The following MAP1A variants were observed in gnomAD, a reference collection of about 807,000 sequenced individuals.
MAP1A encodes microtubule associated protein 1A.
MAP1A carries 42 observed loss-of-function variants against 185.9 expected under a neutral mutation model. The ratio of observed to expected loss-of-function variants is 0.23; its 90% CI spans 0.18 to 0.29. MAP1A has a LOEUF of 0.29. MAP1A is among the 10% of genes least tolerant of loss of function. The probability of loss-of-function intolerance (pLI) is 1.00; values close to 1 mark genes in which losing one functional copy is unlikely to be tolerated. For missense variants in MAP1A, 2,995 were observed against 3,450.4 expected, an observed-to-expected ratio of 0.87 and a Z score of 3.31; for synonymous variants, 1,229 against 1,335.9, an observed-to-expected ratio of 0.92 and a Z score of 1.74.
At position 43,521,185 on chromosome 15, in the gene MAP1A, C is replaced by T. The variant is rs993190482; in HGVS notation, c.-151+73C>T. ...GTGGGAGGGATCTAAGGGAAAGTCT[C>T]ATATTGCATGACCATGGGGGGCCCT... On this transcript the variant is annotated intron_variant, in intron 3 of 5. Transcript: ENST00000300231. This position sits in a 1 kb window ranked among gnomAD's most constrained non-coding sequence, Gnocchi z 4.6. 227 of 1,492,642 alleles carry T rather than the reference C, an allele frequency of 1.5e-4. No individual in the cohort carries two copies. Among genetic ancestry groups the T allele is most frequent in the Non-Finnish European group, 2.0e-4 (220 of 1,123,776 alleles). 92.5% of individuals were successfully genotyped at this position (1,492,642 alleles called of 1,614,324 possible).
At position 43,528,517 on chromosome 15, in the gene MAP1A, C is replaced by A. The variant is rs761491788; in HGVS notation, c.7044C>A (p.Ser2348Arg). 1.9e-6 allele frequency: 3 copies of A among 1,613,582 alleles called. 1 individual carries two copies. In the South Asian group the frequency reaches 3.3e-5, roughly 18 times the overall value. The change falls in exon 4 of 6, where the codon AGC becomes AGA. Residue 2348 changes from serine to arginine, a missense_variant. By Grantham distance (110) the Ser-to-Arg change is moderately radical. Coordinates refer to ENST00000300231, the MANE Select transcript of MAP1A (RefSeq NM_002373.6). ...ECSEAATEKP[S>R]PFQVPSEDCA... is the part of the protein sequence containing the mutation. Reference sequence around the variant, plus strand: ...CAGAGGCAGCCACGGAGAAGCCAAGCCCCTTCCAGGTTCCCTCTGAGGATT... The same window carrying A: ...CAGAGGCAGCCACGGAGAAGCCAAGACCCTTCCAGGTTCCCTCTGAGGATT...
chr15:43,518,493 C>G (rs2079306628), intron 1 of MAP1A, among the ~76,000 whole-genome samples: 1 of 152,282 alleles, frequency 6.6e-6, no homozygotes, highest in African/African-American at 2.4e-5. Flanking sequence ...TCTTCTCTCT[C>G]TCTGCATCCC....
chr15:43,526,364 G>A lies in MAP1A; in HGVS notation c.4891G>A (p.Gly1631Ser). 1 of 1,614,230 alleles carries A rather than the reference G, an allele frequency of 6.2e-7. No homozygotes were observed. The highest frequency in any genetic ancestry group is 2.2e-5 in the East Asian group (1 of 44,888). ...LGLEESLVQE[G>S]RAREQEEKYW... ...CCTGGAAGAGAGCCTAGTGCAGGAG[G>A]GCAGGGCCAGAGAGCAGGAAGAAAA... Residue 1631 changes from glycine (G) to serine (S), a missense_variant, in exon 4 of 6, where the codon GGC becomes AGC. Around this residue, in one of 3 missense-constraint regions of MAP1A, gnomAD observed 2,728 missense variants for 2,986.0 expected, o/e 0.91. Coordinates refer to ENST00000300231, the MANE Select transcript of MAP1A (RefSeq NM_002373.6). The surrounding 1 kb of genome is among the most constrained non-coding windows in gnomAD (Gnocchi z 4.7).
chr15:43,531,030 C>T lies in MAP1A; in HGVS notation c.*806C>T, dbSNP rs2079369568. On this transcript the variant is annotated 3_prime_UTR_variant, in exon 6 of 6. Coordinates refer to ENST00000300231, the MANE Select transcript of MAP1A (RefSeq NM_002373.6). ...CATTTCAATTATCCTGATCCCTTCT[C>T]ATCCCCTGCTTGGCTTCTCTGCATG... 6.5e-6 allele frequency: 1 copy of T among 152,720 alleles called. No individual in the cohort carries two copies. Among genetic ancestry groups the T allele is most frequent in the African/African-American group, 2.4e-5 (1 of 41,454 alleles). 9.5% of individuals were successfully genotyped at this position (152,720 alleles called of 1,614,324 possible). A position where few individuals can be genotyped will look rare whatever the true frequency, so the allele number is the denominator to read the frequency against.
chr15:43,528,677 C>G lies in MAP1A; in HGVS notation c.7204C>G (p.Arg2402Gly). The change falls in exon 4 of 6, where the codon CGG becomes GGG. Residue 2402 changes from arginine (R) to glycine (G), a missense_variant. Arg to Gly is a moderately radical substitution (Grantham distance 125). Transcript: ENST00000300231. ...GCCTGAAGGAGCTGAGAGGAGCTCCCGGCCTGACACATTGCTCTCCCCTGA... is the reference window on the plus strand; with the variant it reads ...GCCTGAAGGAGCTGAGAGGAGCTCCGGGCCTGACACATTGCTCTCCCCTGA... The part of the protein sequence containing the change: ...AWPEGAERSS[R>G]PDTLLSPEQP... 2 of 1,613,544 alleles carry G rather than the reference C, an allele frequency of 1.2e-6. No homozygotes were observed. The highest frequency in any genetic ancestry group is 1.7e-6 in the Non-Finnish European group (2 of 1,179,920).
chr15:43,531,558 C>T lies in MAP1A; in HGVS notation c.*1334C>T, dbSNP rs1416906650. On this transcript the variant is annotated 3_prime_UTR_variant, in exon 6 of 6. Transcript: ENST00000300231. The stretch of plus-strand genomic sequence containing the variant: ...CCCCACGCTTCCCTGCTATAGTTCC[C>T]AGCTGCTGTAACGGAGCCACCTCCA... 6.5e-6 allele frequency: 1 copy of T among 152,874 alleles called. No individual in the cohort carries two copies. The highest frequency in any genetic ancestry group is 1.5e-5 in the Non-Finnish European group (1 of 68,168). The allele number at this position is 152,874 out of a possible 1,614,324, so 9.5% of individuals were successfully genotyped here. A position where few individuals can be genotyped will look rare whatever the true frequency, so the allele number is the denominator to read the frequency against.
chr15:43,519,947 A>G (rs1403239518), intron 1 of MAP1A, among the ~76,000 whole-genome samples: 2 of 152,218 alleles, frequency 1.3e-5, no homozygotes, highest in Non-Finnish European at 2.9e-5. Flanking sequence ...GGGTGTTGTG[A>G]AAACTTCCGA....
Position 43,527,829 on chromosome 15 carries a change from A to T in MAP1A, c.6356A>T (p.Glu2119Val), listed in dbSNP as rs371725391. The change falls in exon 4 of 6, where the codon GAA (glutamate) becomes GTA (valine). Residue 2119 changes from glutamate to valine, a missense_variant. Around this residue, in one of 3 missense-constraint regions of MAP1A, gnomAD observed 2,728 missense variants for 2,986.0 expected, o/e 0.91. Transcript: ENST00000300231. ...ELEKGAREQP[E>V]KEAQSPSPPH... ...GAGAAGGGGGCTCGGGAACAGCCAG[A>T]AAAAGAGGCCCAATCCCCAAGTCCT... 1.9e-6 allele frequency: 3 copies of T among 1,613,926 alleles called. No individual in the cohort carries two copies. The highest frequency in any genetic ancestry group is 1.7e-6 in the Non-Finnish European group (2 of 1,179,902).
At chr15:43,512,599 A>C (rs2079286251) in intron 2 of MAP1A, among the ~76,000 whole-genome samples, 1 of 152,130 alleles carries the variant, frequency 6.6e-6, no homozygotes, top group Non-Finnish European at 1.5e-5. Flanking sequence ...CTCACGCAAA[A>C]ATTCACTCTC....
chr15:43,513,372 T>A (rs1239376023), upstream of MAP1A, among the ~76,000 whole-genome samples: 1 of 151,742 alleles, frequency 6.6e-6, no homozygotes, highest in Non-Finnish European at 1.5e-5. Flanking sequence ...CTAGTCATGT[T>A]ACTGGAAAAT....
rs571878577 is a variant in MAP1A, at chr15:43,527,246, C to G, written c.5773C>G (p.Pro1925Ala). The G allele has an allele frequency of 5.6e-6, 9 of 1,614,102 alleles. No individual in the cohort carries two copies. In the East Asian group the frequency reaches 1.8e-4, roughly 32 times the overall value. Reference sequence around the variant, plus strand: ...GGAAGAAGAAGGTAGGGCTGAGGCTCCTGACAAAAGCTCACACAGCTCAAA... The same window carrying G: ...GGAAGAAGAAGGTAGGGCTGAGGCTGCTGACAAAAGCTCACACAGCTCAAA... ...EREEEGRAEA[P>A]DKSSHSSKVP... Residue 1925 changes from proline (P) to alanine (A), a missense_variant, in exon 4 of 6, where the codon CCT becomes GCT. Coordinates refer to ENST00000300231, the MANE Select transcript of MAP1A (RefSeq NM_002373.6).
intron 1 of MAP1A, among the ~76,000 whole-genome samples, chr15:43,519,880 G>GT (rs2079312760): frequency 6.6e-6 from 1 of 152,220 alleles, no homozygotes; most frequent in South Asian, 2.1e-4. Context: ...TGAATAGGTT[G>GT]TGGGGTAGTG....
rs200047057 is a variant in MAP1A at position 43,523,508 on chromosome 15, G to T, written c.2035G>T (p.Gly679Cys). ...GGAAGAGGACGCGACAAAAGCTGAG[G>T]GTTTTTACCAAAAACATATGCAGGA... Reference protein sequence around the residue: ...EEEEDATKAEGFYQKHMQEPL... With the variant: ...EEEEDATKAECFYQKHMQEPL... Residue 679 changes from glycine (G) to cysteine (C), a missense_variant, in exon 4 of 6, where the codon GGT becomes TGT. Coordinates refer to ENST00000300231, the MANE Select transcript of MAP1A (RefSeq NM_002373.6). The T allele has an allele frequency of 5.6e-6, 9 of 1,613,954 alleles. No homozygotes were observed. Among genetic ancestry groups the T allele is most frequent in the Non-Finnish European group, 7.6e-6 (9 of 1,180,008 alleles).
Position 43,522,181 on chromosome 15 carries a change from G to A in MAP1A, c.708G>A (p.Glu236=), listed in dbSNP as rs568161996. Residue 236 remains glutamate, a synonymous_variant, in exon 4 of 6, where the codon GAG becomes GAA. Coordinates refer to ENST00000300231, the MANE Select transcript of MAP1A (RefSeq NM_002373.6). This position sits in a 1 kb window ranked among gnomAD's most constrained non-coding sequence, Gnocchi z 5.9. The part of the protein sequence containing the change: ...KTGIVLPNGK[E]AEISVPYLTS... ...GCATCGTGCTGCCCAATGGGAAGGAGGCTGAGATCTCCGTGCCCTACCTTA... is the reference window on the plus strand; with the variant it reads ...GCATCGTGCTGCCCAATGGGAAGGAAGCTGAGATCTCCGTGCCCTACCTTA... 6.2e-7 allele frequency: 1 copy of A among 1,614,270 alleles called. No homozygotes were observed. Among genetic ancestry groups the A allele is most frequent in the East Asian group, 2.2e-5 (1 of 44,890 alleles).
In MAP1A at chr15:43,521,560, A is replaced by AC; in HGVS notation, c.87_88insC (p.Gly30ArgfsTer38). The AC allele has an allele frequency of 6.2e-7, 1 of 1,614,042 alleles. No individual in the cohort carries two copies. The highest frequency in any genetic ancestry group is 8.5e-7 in the Non-Finnish European group (1 of 1,179,938). The stretch of plus-strand genomic sequence containing the variant: ...TTGACCTACTAGAGCCCCCCACCTC[A>AC]GGGGGCTTCCTCAAGCTCTCCAAGC... On this transcript the variant is annotated frameshift_variant, in exon 4 of 6. Transcript: ENST00000300231. LOFTEE classifies it high-confidence loss of function. This position sits in a 1 kb window ranked among gnomAD's most constrained non-coding sequence, Gnocchi z 4.6.
rs1183555623 is a variant in MAP1A at position 43,521,947 on chromosome 15, G to A, written c.474G>A (p.Glu158=). 1.9e-6 allele frequency: 3 copies of A among 1,614,054 alleles called. No individual in the cohort carries two copies. In the South Asian group the frequency reaches 3.3e-5, roughly 18 times the overall value. ...ASRKAKRSIE[E]ACLTLQHLNR... ...GGAAAGCCAAGCGTAGCATTGAGGA[G>A]GCCTGCCTCACTCTGCAGCACTTAA... The change falls in exon 4 of 6, where the codon GAG becomes GAA. Residue 158 remains glutamate, a synonymous_variant. Coordinates refer to ENST00000300231, the MANE Select transcript of MAP1A (RefSeq NM_002373.6). This position sits in a 1 kb window ranked among gnomAD's most constrained non-coding sequence, Gnocchi z 4.6.
chr15:43,529,875 G>A lies in MAP1A; in HGVS notation c.8256+5G>A, dbSNP rs1408223945. The A allele has an allele frequency of 6.2e-7, 1 of 1,612,260 alleles. No individual in the cohort carries two copies. The highest frequency in any genetic ancestry group is 8.5e-7 in the Non-Finnish European group (1 of 1,179,752). ...CAGTGGGGGGAGAATCTTCAGGTGAGTAGCAAAGGACACCAAGGAAGTAGT... is the reference window on the plus strand; with the variant it reads ...CAGTGGGGGGAGAATCTTCAGGTGAATAGCAAAGGACACCAAGGAAGTAGT... On this transcript the variant is annotated splice_donor_5th_base_variant and intron_variant, in intron 5 of 5. Transcript: ENST00000300231. The surrounding 1 kb of genome is among the most constrained non-coding windows in gnomAD (Gnocchi z 4.3).
Position 43,527,664 on chromosome 15 carries a change from C to A in MAP1A, c.6191C>A (p.Pro2064His), listed in dbSNP as rs190284479. ...AGCCTCACCCCACCTGCAGTTCCCC[C>A]CCGTGCTCCTATCCTGAGCAAAGGC... ...EPSLTPPAVP[P>H]RAPILSKGPS... Residue 2064 changes from proline (P) to histidine (H), a missense_variant, in exon 4 of 6, where the codon CCC becomes CAC. Pro to His is a moderately conservative substitution (Grantham distance 77). Coordinates refer to ENST00000300231, the MANE Select transcript of MAP1A (RefSeq NM_002373.6). The A allele has an allele frequency of 7.6e-5, 122 of 1,613,294 alleles. No homozygotes were observed. Among genetic ancestry groups the A allele is most frequent in the Middle Eastern group, 1.6e-4 (1 of 6,080 alleles).
rs2079372354 is a variant in MAP1A at position 43,531,520 on chromosome 15, GT to G, written c.*1297del. On this transcript the variant is annotated 3_prime_UTR_variant, in exon 6 of 6. Coordinates refer to ENST00000300231, the MANE Select transcript of MAP1A (RefSeq NM_002373.6). ...CTAGCTCCACCCTCCCCGTGCTGCT[GT>G]GTTCTGCTCCTCCCCACGCTTCCCT... The G allele has an allele frequency of 1.3e-5, 2 of 152,756 alleles. No individual in the cohort carries two copies. Among genetic ancestry groups the G allele is most frequent in the African/African-American group, 4.8e-5 (2 of 41,426 alleles). 9.5% of individuals were successfully genotyped at this position (152,756 alleles called of 1,614,324 possible).
Sources: allele counts gnomAD v4.1 joint callset (sites outside exome capture counted in the v4.1 genomes callset), GRCh38; gene constraint gnomAD v4.1.1; regional missense constraint gnomAD v4.1.1; non-coding constraint Gnocchi (gnomAD v3.1); transcripts MANE v1.5; gene names NCBI Gene and HGNC (gene_info 2026-07-23, HGNC 2026-07-21).